The following MARCHF3 variants were observed in gnomAD, a reference collection of about 807,000 sequenced individuals.
MARCHF3 encodes the protein membrane associated ring-CH-type finger 3.
In MARCHF3, 13 loss-of-function variants were observed where a neutral mutation model predicts 24.2. The observed-to-expected ratio is 0.54, with a 90% CI of 0.35 to 0.85. The LOEUF is 0.85. Ranked by LOEUF, MARCHF3 falls within the 40% of genes least tolerant of loss-of-function variation. The probability of loss-of-function intolerance (pLI) is 0.01; values close to 1 mark genes in which losing one functional copy is unlikely to be tolerated. For missense variants in MARCHF3, 276 were observed against 325.0 expected (o/e 0.85, Z 1.16); for synonymous variants, 144 against 137.3 (o/e 1.05, Z -0.34).
At chr5:126,888,135 C>A (rs1028504149) in intron 3 of MARCHF3, among the ~76,000 whole-genome samples, 3 of 152,190 alleles carry the variant, frequency 2.0e-5, no homozygotes, top group African/African-American at 7.2e-5. Flanking sequence ...ATGAATATAA[C>A]TGAAATGCAT....
chr5:126,944,022 A>G (rs1439452731), intron 1 of MARCHF3, among the ~76,000 whole-genome samples: 1 of 151,984 alleles, frequency 6.6e-6, no homozygotes, highest in African/African-American at 2.4e-5. Context: ...CATCTTGGCC[A>G]GGCTGTCTTG....
intron 1 of MARCHF3, among the ~76,000 whole-genome samples, chr5:126,925,378 T>C (rs1749256691): frequency 6.6e-6 from 1 of 152,168 alleles, no homozygotes; most frequent in Non-Finnish European, 1.5e-5. Context: ...ACAAGAAGTA[T>C]CCAAAATATC....
At chr5:126,996,783 A>G (rs1751960584) in intron 1 of MARCHF3, among the ~76,000 whole-genome samples, 1 of 152,128 alleles carries the variant, frequency 6.6e-6, no homozygotes, top group Non-Finnish European at 1.5e-5. Context: ...TATTTATACA[A>G]TGGGGTACAA....
At chr5:126,979,549 A>C (rs1322742659) in intron 1 of MARCHF3, among the ~76,000 whole-genome samples, 1 of 152,186 alleles carries the variant, frequency 6.6e-6, no homozygotes, top group East Asian at 1.9e-4. Flanking sequence ...AGGTATCAGC[A>C]TGGGGGCAGG....
chr5:127,002,065 G>A (rs963397856), intron 1 of MARCHF3, among the ~76,000 whole-genome samples: 5 of 152,206 alleles, frequency 3.3e-5, no homozygotes, highest in Non-Finnish European at 7.3e-5. Flanking sequence ...TAAGACCAAG[G>A]ATGAACTGAG....
chr5:126,897,075 T>C (rs1478517128), intron 3 of MARCHF3, among the ~76,000 whole-genome samples: 5 of 96,150 alleles, frequency 5.2e-5, no homozygotes, highest in Non-Finnish European at 8.3e-5. Context: ...GTTTCACTTT[T>C]GTTGCCTGGA....
At chr5:126,890,951 T>G in intron 3 of MARCHF3, among the ~76,000 whole-genome samples, 1 of 149,838 alleles carries the variant, frequency 6.7e-6, no homozygotes, top group Admixed American at 6.6e-5. Flanking sequence ...CAGCACCTGT[T>G]GTTTCCTGAC....
intron 1 of MARCHF3, among the ~76,000 whole-genome samples, chr5:127,012,873 T>C (rs900682736): frequency 6.6e-6 from 1 of 152,242 alleles, no homozygotes; most frequent in Admixed American, 6.5e-5. Context: ...AGTCTTTTCT[T>C]GTTAGACTTA....
intron 1 of MARCHF3, among the ~76,000 whole-genome samples, chr5:126,962,984 T>C (rs533440931): frequency 3.3e-4 from 50 of 152,272 alleles, no homozygotes; most frequent in African/African-American, 1.1e-3. Flanking sequence ...TCTGCCTGTG[T>C]AACTGTGGGC....
At chr5:127,007,857 T>C (rs1737811653) in intron 1 of MARCHF3, among the ~76,000 whole-genome samples, 1 of 152,200 alleles carries the variant, frequency 6.6e-6, no homozygotes, top group African/African-American at 2.4e-5. Flanking sequence ...ATTAATATTC[T>C]GCAAATCAAC....
At chr5:127,017,620 G>A (rs544205485) in intron 1 of MARCHF3, among the ~76,000 whole-genome samples, 34 of 152,226 alleles carry the variant, frequency 2.2e-4, no homozygotes, top group African/African-American at 7.9e-4. Context: ...AATATCTCAT[G>A]TAACTTATTG....
chr5:126,962,167 A>AT lies in MARCHF3; in HGVS notation c.-56-43941dup, dbSNP rs1750658988. On this transcript the variant is annotated intron_variant, in intron 1 of 4. Transcript: ENST00000308660. ...TACAATGTGAGAACCTAGGAAAGAAATTTTTTGGTAAACATTCATGGAACT... is the reference window on the plus strand; with the variant it reads ...TACAATGTGAGAACCTAGGAAAGAAATTTTTTTGGTAAACATTCATGGAACT... 2.6e-5 allele frequency among the ~76,000 whole-genome samples: 4 copies of AT among 152,114 alleles called. No individual in the cohort carries two copies. The South Asian group carries it at 8.3e-4, about 32-fold the overall frequency.
At position 126,963,932 on chromosome 5, in the gene MARCHF3, C is replaced by T. The variant is rs569833945; in HGVS notation, c.-56-45705G>A. Among the ~76,000 whole-genome samples the T allele has an allele frequency of 3.9e-5, 6 of 152,282 alleles. No homozygotes were observed. In the East Asian group the frequency reaches 5.8e-4, roughly 15 times the overall value. On this transcript the variant is annotated intron_variant, in intron 1 of 4. Coordinates refer to ENST00000308660, the MANE Select transcript of MARCHF3 (RefSeq NM_178450.5). Reference sequence around the variant, plus strand: ...CATCAGGGGCTGAGAGAGTCATAAACGCTCCTACCATGGGCCGTATTTGTC... The same window carrying T: ...CATCAGGGGCTGAGAGAGTCATAAATGCTCCTACCATGGGCCGTATTTGTC...
At chr5:126,946,234 TG>T (rs1196818978) in intron 1 of MARCHF3, 3 of 151,856 alleles carry the variant, frequency 2.0e-5, no homozygotes, top group Non-Finnish European at 4.4e-5. Context: ...TAGCCAGGTG[TG>T]GTGGCAAATG....
At chr5:126,906,485 C>G (rs545641819) in intron 3 of MARCHF3, among the ~76,000 whole-genome samples, 2 of 152,352 alleles carry the variant, frequency 1.3e-5, no homozygotes, top group South Asian at 4.1e-4. Flanking sequence ...ATTATTGCCA[C>G]AATTTCAGCT....
At chr5:127,009,805 G>T (rs971915335) in intron 1 of MARCHF3, among the ~76,000 whole-genome samples, 16 of 152,148 alleles carry the variant, frequency 1.1e-4, no homozygotes, top group Non-Finnish European at 2.2e-4. Context: ...GCTCTTCCAT[G>T]CAACACAGGT....
At chr5:126,885,201 CTTTG>C (rs1190734193) in intron 3 of MARCHF3, among the ~76,000 whole-genome samples, 1 of 152,164 alleles carries the variant, frequency 6.6e-6, no homozygotes, top group African/African-American at 2.4e-5. Flanking sequence ...CCCACTTCAA[CTTTG>C]TTTATTTTTG....
chr5:126,940,787 T>C (rs973422567), intron 1 of MARCHF3, among the ~76,000 whole-genome samples: 24 of 152,060 alleles, frequency 1.6e-4, no homozygotes, highest in Non-Finnish European at 2.5e-4. Flanking sequence ...TTAAAATTAC[T>C]GTACTCCATA....
intron 1 of MARCHF3, among the ~76,000 whole-genome samples, chr5:126,962,232 A>C (rs57531014): frequency 0.022 from 3,289 of 151,798 alleles, 66 homozygotes; most frequent in African/African-American, 0.05. Flanking sequence ...ATATCTATAT[A>C]TCTCTCTCTC....
Sources: gnomAD v4.1 joint callset for allele counts (sites outside exome capture counted in the v4.1 genomes callset) on GRCh38, gnomAD v4.1.1 for gene constraint, MANE v1.5 for transcripts, NCBI Gene and HGNC (gene_info 2026-07-23, HGNC 2026-07-21) for gene names.